GLB1L3: variants seen among roughly 807,000 people sequenced by gnomAD.
GLB1L3 encodes beta-galactosidase-1-like protein 3.
In GLB1L3, 89 loss-of-function variants were observed where a neutral mutation model predicts 89.5. The ratio of observed to expected loss-of-function variants is 0.99; its 90% CI spans 0.84 to 1.19. The LOEUF (loss-of-function observed/expected upper bound fraction) is 1.19, where lower values mean the gene tolerates loss of function less well. GLB1L3 is among the 50% of genes most tolerant of loss of function. The pLI is 0.00. For synonymous variants in GLB1L3, 314 were observed against 312.3 expected, an observed-to-expected ratio of 1.01 and a Z score of -0.06; for missense variants, 812 against 813.3, an observed-to-expected ratio of 1.00 and a Z score of 0.02.
intron 3 of GLB1L3, among the ~76,000 whole-genome samples, chr11:134,280,572 G>A (rs1940629386): frequency 6.6e-6 from 1 of 151,828 alleles, no homozygotes; most frequent in South Asian, 2.1e-4. Context: ...CACTGTGATG[G>A]TAACTGATGT....
At chr11:134,295,361 A>G (rs1941576684) in intron 9 of GLB1L3, among the ~76,000 whole-genome samples, 1 of 152,150 alleles carries the variant, frequency 6.6e-6, no homozygotes, top group Admixed American at 6.5e-5. Context: ...GATTTATTCT[A>G]CTCATTTTAT....
intron 16 of GLB1L3, 72 bp downstream of exon 16, chr11:134,313,546 C>T (rs1020993258): frequency 2.6e-5 from 13 of 508,864 alleles, no homozygotes; most frequent in Admixed American, 1.9e-4. Context: ...GAGTCGGGGG[C>T]GGGAGAGGGT....
At chr11:134,306,826 A>G (rs528577989) in intron 9 of GLB1L3, among the ~76,000 whole-genome samples, 1 of 152,384 alleles carries the variant, frequency 6.6e-6, no homozygotes, top group African/African-American at 2.4e-5. Context: ...TCCAAAACCC[A>G]TTCTTTCAAC....
chr11:134,322,027 T>C (rs978452959), downstream of GLB1L3, among the ~76,000 whole-genome samples: 7 of 152,020 alleles, frequency 4.6e-5, no homozygotes, highest in Non-Finnish European at 1.0e-4. Context: ...ACGGTAAAAA[T>C]TGTCAGACAT....
At chr11:134,300,171 G>T (rs894963383) in intron 9 of GLB1L3, among the ~76,000 whole-genome samples, 6 of 151,998 alleles carry the variant, frequency 3.9e-5, no homozygotes, top group African/African-American at 1.5e-4. Context: ...GTGCTGGCAG[G>T]GTAGGTTTCT....
rs765889873 is a variant in GLB1L3 at position 134,277,445 on chromosome 11, AGCCT to A, written c.144_147del (p.Pro49GlyfsTer7). The A allele has an allele frequency of 6.2e-7, 1 of 1,612,306 alleles. No homozygotes were observed. The highest frequency in any genetic ancestry group is 1.7e-5 in the Admixed American group (1 of 59,948). On this transcript the variant is annotated frameshift_variant and splice_region_variant, in exon 2 of 20. Transcript: ENST00000431683. LOFTEE classifies it high-confidence loss of function. ...ATGCTTGGAAGAGCGCATCCGTCCC[AGCCT>A]AGGTTTGCTTGAGAGCTACATCCCT...
Position 134,277,256 on chromosome 11 carries a change from G to T in GLB1L3, c.24-70G>T, listed in dbSNP as rs750033283. 3 of 1,605,630 alleles carry T rather than the reference G, an allele frequency of 1.9e-6. No homozygotes were observed. In the Admixed American group the frequency reaches 5.0e-5, roughly 27 times the overall value. ...TGGCCTCTAAAGCGCCCCCGGCACAGCTTCCCGGCCCTTGCAGCCCGGTGG... is the reference window on the plus strand; with the variant it reads ...TGGCCTCTAAAGCGCCCCCGGCACATCTTCCCGGCCCTTGCAGCCCGGTGG... On this transcript the variant is annotated intron_variant, in intron 1 of 19. Coordinates refer to ENST00000431683, the MANE Select transcript of GLB1L3 (RefSeq NM_001080407.3).
intron 9 of GLB1L3, among the ~76,000 whole-genome samples, chr11:134,296,581 C>G (rs938379279): frequency 6.8e-6 from 1 of 146,884 alleles, no homozygotes; most frequent in African/African-American, 2.5e-5. Flanking sequence ...TCTCAGTAAA[C>G]TATCTCAAGA....
intron 7 of GLB1L3, among the ~76,000 whole-genome samples, chr11:134,291,080 C>A (rs973822500): frequency 9.2e-5 from 14 of 152,092 alleles, no homozygotes; most frequent in Non-Finnish European, 1.6e-4. Context: ...TGAATTCAAA[C>A]CCGTGTCTAG....
At chr11:134,312,998 CT>C in intron 15 of GLB1L3, 111 bp downstream of exon 15, 1 of 824,734 alleles carries the variant, frequency 1.2e-6, no homozygotes, top group Non-Finnish European at 2.0e-6. Flanking sequence ...GGTGCTGCTG[CT>C]CACCTGGGGC....
intron 13 of GLB1L3, 88 bp from the exon 14 acceptor site, chr11:134,312,261 T>G: frequency 6.8e-7 from 1 of 1,469,540 alleles, no homozygotes; most frequent in South Asian, 1.3e-5. Flanking sequence ...TTGGGGACCA[T>G]TAGGCAGGAC....
intron 9 of GLB1L3, among the ~76,000 whole-genome samples, chr11:134,294,595 A>T (rs1403723327): frequency 6.6e-6 from 1 of 152,234 alleles, no homozygotes; most frequent in Non-Finnish European, 1.5e-5. Flanking sequence ...TTCCACAACC[A>T]TCACCAGAAT....
chr11:134,315,622 T>C (rs1445622735), intron 18 of GLB1L3, among the ~76,000 whole-genome samples: 1 of 152,208 alleles, frequency 6.6e-6, no homozygotes, highest in Non-Finnish European at 1.5e-5. Flanking sequence ...TTTTGATGTC[T>C]AGATCATTGG....
At chr11:134,289,207 A>G (rs542452813) in intron 7 of GLB1L3, among the ~76,000 whole-genome samples, 6 of 151,528 alleles carry the variant, frequency 4.0e-5, no homozygotes, top group Admixed American at 3.3e-4. Flanking sequence ...CAGAAAAGAA[A>G]ATGTTACTAA....
At chr11:134,308,408 C>T (rs1942435378) in intron 10 of GLB1L3, among the ~76,000 whole-genome samples, 1 of 111,962 alleles carries the variant, frequency 8.9e-6, no homozygotes, top group Non-Finnish European at 1.8e-5. Flanking sequence ...TCACCATCAC[C>T]ACCACCACCA....
chr11:134,312,664 GTC>G (rs932159854), intron 14 of GLB1L3, among the ~76,000 whole-genome samples, 150 bp from the exon 15 acceptor site: 13 of 152,282 alleles, frequency 8.5e-5, no homozygotes, highest in African/African-American at 3.1e-4. Context: ...ACCACTGAGA[GTC>G]TCTTGGGGCC....
chr11:134,308,643 TCACCACCATCATCACCACCACCAC>T (rs1942550221), intron 10 of GLB1L3, among the ~76,000 whole-genome samples: 1 of 94,682 alleles, frequency 1.1e-5, no homozygotes, highest in African/African-American at 4.1e-5. Context: ...ATCAACACCA[TCACCACCATCATCACCACCACCAC>T]CACCACCAAC....
intron 9 of GLB1L3, among the ~76,000 whole-genome samples, chr11:134,302,445 C>A (rs1057070543): frequency 6.6e-6 from 1 of 152,114 alleles, no homozygotes; most frequent in Non-Finnish European, 1.5e-5. Context: ...ACAACATTCA[C>A]AATTTTGTTA....
chr11:134,283,444 G>GT (rs1199748030), intron 5 of GLB1L3, among the ~76,000 whole-genome samples: 1 of 152,228 alleles, frequency 6.6e-6, no homozygotes, highest in African/African-American at 2.4e-5. Flanking sequence ...AGACATGGCT[G>GT]TAAGAGCCTT....
Sources: allele counts gnomAD v4.1 joint callset (sites outside exome capture counted in the v4.1 genomes callset), GRCh38; gene constraint gnomAD v4.1.1; transcripts MANE v1.5; gene names NCBI Gene and HGNC (gene_info 2026-07-23, HGNC 2026-07-21).